FNBP1L: variants seen among roughly 807,000 people sequenced by gnomAD.
The protein encoded by FNBP1L is formin binding protein 1 like.
Under a neutral mutation model 91.2 loss-of-function variants are expected in FNBP1L, and 36 were observed. The observed-to-expected ratio is 0.39, with a 90% CI of 0.30 to 0.52. FNBP1L has a LOEUF of 0.52. Ranked by LOEUF, FNBP1L falls within the 20% of genes least tolerant of loss-of-function variation. The probability of loss-of-function intolerance (pLI) is 0.66; values close to 1 mark genes in which losing one functional copy is unlikely to be tolerated. For missense variants in FNBP1L, 571 were observed against 732.1 expected, an observed-to-expected ratio of 0.78 and a Z score of 2.54; for synonymous variants, 242 against 237.0, an observed-to-expected ratio of 1.02 and a Z score of -0.19.
In FNBP1L at chr1:93,529,701, A is replaced by G; in HGVS notation, c.455A>G (p.Gln152Arg). 6.5e-7 allele frequency: 1 copy of G among 1,529,754 alleles called. No homozygotes were observed. The highest frequency in any genetic ancestry group is 8.8e-7 in the Non-Finnish European group (1 of 1,141,216). 94.8% of individuals were successfully genotyped at this position (1,529,754 alleles called of 1,614,324 possible). A position where few individuals can be genotyped will look rare whatever the true frequency, so the allele number is the denominator to read the frequency against. Reference protein sequence around the residue: ...RECREAEKAQQSYERLDNDTN... With the variant: ...RECREAEKAQRSYERLDNDTN... ...TGTAGAGAGGCAGAAAAGGCACAAC[A>G]GAGTTATGAAAGATTGGATAATGAT... The change falls in exon 6 of 17, where the codon CAG becomes CGG. Residue 152 changes from glutamine to arginine, a missense_variant. Gln to Arg is a conservative substitution (Grantham distance 43). Transcript: ENST00000271234.
At chr1:93,489,363 G>C (rs1327414415) in intron 1 of FNBP1L, among the ~76,000 whole-genome samples, 1 of 152,034 alleles carries the variant, frequency 6.6e-6, no homozygotes, top group Non-Finnish European at 1.5e-5. Flanking sequence ...TGTTGGACTT[G>C]GGGTATTTCA....
At chr1:93,480,278 G>A (rs75978584) in intron 1 of FNBP1L, among the ~76,000 whole-genome samples, 2,197 of 152,222 alleles carry the variant, frequency 0.014, 67 homozygotes, top group African/African-American at 0.05. Context: ...TGTTCCATCC[G>A]CATACCAACC....
At chr1:93,486,575 C>T (rs1235390998) in intron 1 of FNBP1L, among the ~76,000 whole-genome samples, 2 of 152,094 alleles carry the variant, frequency 1.3e-5, no homozygotes, top group African/African-American at 4.8e-5. Flanking sequence ...ATGTGAATCT[C>T]AGAGCAGGTA....
chr1:93,504,065 C>G (rs1670525728), intron 2 of FNBP1L, among the ~76,000 whole-genome samples: 1 of 152,142 alleles, frequency 6.6e-6, no homozygotes, highest in Non-Finnish European at 1.5e-5. Context: ...TTCCTTTGAT[C>G]AGAGATTATA....
At chr1:93,490,542 G>A (rs1171724818) in intron 1 of FNBP1L, among the ~76,000 whole-genome samples, 1 of 152,272 alleles carries the variant, frequency 6.6e-6, no homozygotes, top group East Asian at 1.9e-4. Flanking sequence ...GTTGGAAAAG[G>A]AAGTGAGAGG....
At chr1:93,491,793 A>G (rs1215508408) in intron 1 of FNBP1L, among the ~76,000 whole-genome samples, 2 of 152,220 alleles carry the variant, frequency 1.3e-5, no homozygotes, top group Non-Finnish European at 2.9e-5. Context: ...ACACAATTAT[A>G]GGCTTCTGTT....
chr1:93,492,642 G>A (rs1670134084), intron 1 of FNBP1L, among the ~76,000 whole-genome samples: 2 of 152,084 alleles, frequency 1.3e-5, no homozygotes. Flanking sequence ...GAGACTGGGA[G>A]TTTGAGACCA....
chr1:93,534,559 G>A, intron 8 of FNBP1L, 146 bp from the exon 9 acceptor site: 1 of 520,462 alleles, frequency 1.9e-6, no homozygotes, highest in Non-Finnish European at 3.4e-6. Flanking sequence ...CACATTCATG[G>A]GAATAAATTA....
At chr1:93,493,790 A>G (rs990853344) in intron 1 of FNBP1L, among the ~76,000 whole-genome samples, 1 of 152,146 alleles carries the variant, frequency 6.6e-6, no homozygotes, top group Non-Finnish European at 1.5e-5. Flanking sequence ...GGTTGCTTCC[A>G]TAATGCTGCT....
chr1:93,546,733 A>G (rs1672253527), intron 12 of FNBP1L, 109 bp from the exon 13 acceptor site: 9 of 1,149,040 alleles, frequency 7.8e-6, no homozygotes, highest in Non-Finnish European at 1.1e-5. Flanking sequence ...AAAAGATGTG[A>G]CTCTACTTAA....
intron 2 of FNBP1L, among the ~76,000 whole-genome samples, chr1:93,512,458 A>G (rs1338030516): frequency 1.3e-5 from 2 of 152,016 alleles, no homozygotes; most frequent in Non-Finnish European, 2.9e-5. Context: ...CCCCAAATCA[A>G]CAGAATATAC....
At chr1:93,525,283 T>C (rs796224269) in intron 5 of FNBP1L, among the ~76,000 whole-genome samples, 3 of 152,214 alleles carry the variant, frequency 2.0e-5, no homozygotes, top group African/African-American at 7.2e-5. Context: ...AAAAATCTCA[T>C]GTATATACTT....
intron 1 of FNBP1L, among the ~76,000 whole-genome samples, chr1:93,490,155 A>T (rs562741231): frequency 1.1e-5 from 1 of 92,356 alleles, no homozygotes; most frequent in African/African-American, 3.8e-5. Context: ...TTCTAAAGTG[A>T]TACATAAAAT....
Position 93,552,481 on chromosome 1 carries a change from G to A in FNBP1L, c.*65G>A, listed in dbSNP as rs576437058. ...TTACATGCAGCTGCTTTTGGGGGAG[G>A]GTATTAGAGTTGTCAGGCTCAAAGA... On this transcript the variant is annotated 3_prime_UTR_variant, in exon 17 of 17. Coordinates refer to ENST00000271234, the MANE Select transcript of FNBP1L (RefSeq NM_001164473.3). The A allele has an allele frequency of 1.3e-6, 2 of 1,588,784 alleles. No homozygotes were observed. Among genetic ancestry groups the A allele is most frequent in the African/African-American group, 2.7e-5 (2 of 73,950 alleles).
intron 1 of FNBP1L, among the ~76,000 whole-genome samples, chr1:93,474,220 G>A (rs1030556169): frequency 1.3e-5 from 2 of 152,166 alleles, no homozygotes; most frequent in African/African-American, 4.8e-5. Context: ...TCCAGCCTGG[G>A]TGACAAAGTG....
chr1:93,495,664 TTAAC>T (rs370845306), intron 1 of FNBP1L, among the ~76,000 whole-genome samples: 8 of 152,202 alleles, frequency 5.3e-5, no homozygotes, highest in African/African-American at 1.7e-4. Context: ...ACATTTTTCT[TTAAC>T]TAGTATGCTT....
intron 5 of FNBP1L, among the ~76,000 whole-genome samples, chr1:93,526,662 G>A (rs1671504929): frequency 6.6e-6 from 1 of 152,128 alleles, no homozygotes; most frequent in South Asian, 2.1e-4. Context: ...GCAAGAGTAG[G>A]GGAGTAGAAG....
intron 1 of FNBP1L, among the ~76,000 whole-genome samples, chr1:93,451,761 C>G (rs574176877): frequency 2.0e-5 from 3 of 152,090 alleles, no homozygotes; most frequent in African/African-American, 7.2e-5. Flanking sequence ...AAGCCATTCT[C>G]CCACCTCAGC....
intron 1 of FNBP1L, among the ~76,000 whole-genome samples, chr1:93,488,878 A>T (rs991633396): frequency 5.3e-5 from 8 of 152,234 alleles, no homozygotes; most frequent in Admixed American, 5.2e-4. Flanking sequence ...GAGTTGGTGA[A>T]CAAGGAGTTA....
Sources: allele counts gnomAD v4.1 joint callset (sites outside exome capture counted in the v4.1 genomes callset), GRCh38; gene constraint gnomAD v4.1.1; transcripts MANE v1.5; gene names NCBI Gene and HGNC (gene_info 2026-07-23, HGNC 2026-07-21).